The following GSE1 variants were observed in gnomAD, a reference collection of about 807,000 sequenced individuals.
GSE1 encodes genetic suppressor element 1.
GSE1 carries 32 observed loss-of-function variants against 112.6 expected under a neutral mutation model. That is an observed-to-expected ratio of 0.28 (90% CI 0.21 to 0.38). The LOEUF is 0.38. Ranked by LOEUF, GSE1 falls within the 10% of genes least tolerant of loss-of-function variation. GSE1 has a pLI of 1.00. For synonymous variants in GSE1, 1,115 were observed against 735.6 expected (o/e 1.52, Z -8.35); for missense variants, 2,348 against 1,699.2 (o/e 1.38, Z -6.71).
chr16:85,298,769 G>C (rs915146215), intron 1 of GSE1, among the ~76,000 whole-genome samples: 13 of 152,230 alleles, frequency 8.5e-5, no homozygotes. Context: ...CACGCCCTTT[G>C]CATGTTAATC....
intron 1 of GSE1, among the ~76,000 whole-genome samples, chr16:85,619,367 C>A (rs776846597): frequency 6.6e-6 from 1 of 151,356 alleles, no homozygotes; most frequent in Non-Finnish European, 1.5e-5. Context: ...TTAAGCCGTC[C>A]CGAAGGAAAA....
At chr16:85,515,125 A>C (rs1323023758) in intron 2 of GSE1, among the ~76,000 whole-genome samples, 1 of 152,058 alleles carries the variant, frequency 6.6e-6, no homozygotes, top group African/African-American at 2.4e-5. Context: ...CCCAGGAGGC[A>C]ATCTTGCTGC....
intron 2 of GSE1, among the ~76,000 whole-genome samples, chr16:85,493,496 G>A (rs967296311): frequency 2.6e-5 from 4 of 151,956 alleles, no homozygotes; most frequent in Admixed American, 6.6e-5. Flanking sequence ...GCTCACACCT[G>A]TAATCCCAGC....
At chr16:85,663,211 C>CAT in intron 10 of GSE1, 118 bp downstream of exon 10, 2 of 1,292,278 alleles carry the variant, frequency 1.5e-6, no homozygotes, top group Non-Finnish European at 2.2e-6. Flanking sequence ...GGGTTCGCCC[C>CAT]ATGAAGCTCT....
chr16:85,425,002 A>G (rs1031332762), intron 2 of GSE1, among the ~76,000 whole-genome samples: 2 of 152,254 alleles, frequency 1.3e-5, no homozygotes, highest in African/African-American at 4.8e-5. Context: ...CAGGGCAGGC[A>G]GAGGGCCAGG....
chr16:85,236,642 C>T (rs1453029171), intron 1 of GSE1, among the ~76,000 whole-genome samples: 3 of 152,132 alleles, frequency 2.0e-5, no homozygotes, highest in Admixed American at 6.5e-5. Flanking sequence ...GTCCCAACAG[C>T]CTGTATTTCT....
chr16:85,581,905 C>G (rs1191190470), intron 1 of GSE1: 12 of 152,178 alleles, frequency 7.9e-5, no homozygotes, highest in Admixed American at 7.9e-4. Flanking sequence ...TTCTACCACC[C>G]AGCAAATCCC....
chr16:85,472,685 G>A (rs766331662), intron 2 of GSE1, among the ~76,000 whole-genome samples: 1 of 152,234 alleles, frequency 6.6e-6, no homozygotes, highest in Non-Finnish European at 1.5e-5. Context: ...GCCTTGCTCA[G>A]TCTGACCCTG....
chr16:85,586,811 C>G (rs751349259), intron 1 of GSE1, among the ~76,000 whole-genome samples: 12 of 152,188 alleles, frequency 7.9e-5, no homozygotes, highest in Non-Finnish European at 1.8e-4. Context: ...CCCCCAGGCC[C>G]CCTGGCAGCC....
intron 2 of GSE1, among the ~76,000 whole-genome samples, chr16:85,520,849 G>A (rs868269913): frequency 1.6e-4 from 24 of 152,218 alleles, no homozygotes; most frequent in African/African-American, 5.8e-4. Flanking sequence ...CAGCCTGGGG[G>A]GAAGGAGAAA....
intron 1 of GSE1, among the ~76,000 whole-genome samples, chr16:85,264,086 T>C (rs2144125984): frequency 6.6e-6 from 1 of 152,230 alleles, no homozygotes; most frequent in Non-Finnish European, 1.5e-5. Context: ...GGGAATGGTA[T>C]TCCAAGTGGT....
chr16:85,473,647 C>A (rs918379034), intron 2 of GSE1, among the ~76,000 whole-genome samples: 2 of 152,178 alleles, frequency 1.3e-5, no homozygotes, highest in African/African-American at 4.8e-5. Context: ...GGATTTAGGA[C>A]CTGCCCAGAT....
At chr16:85,206,254 C>G (rs1486464328) in intron 1 of GSE1, among the ~76,000 whole-genome samples, 2 of 151,520 alleles carry the variant, frequency 1.3e-5, no homozygotes, top group African/African-American at 4.9e-5. Flanking sequence ...GGCAAGGAGG[C>G]GGGCGTTGGG....
chr16:85,444,140 A>T (rs1246667720), intron 2 of GSE1, among the ~76,000 whole-genome samples: 1 of 152,010 alleles, frequency 6.6e-6, no homozygotes, highest in East Asian at 1.9e-4. Context: ...ACATGCCACC[A>T]AGTCCAGCTA....
intron 1 of GSE1, among the ~76,000 whole-genome samples, chr16:85,284,760 C>T (rs1255077841): frequency 6.6e-6 from 1 of 152,054 alleles, no homozygotes; most frequent in Admixed American, 6.6e-5. Context: ...CAGGTGCGGG[C>T]GGGGCTGGCA....
intron 2 of GSE1, among the ~76,000 whole-genome samples, chr16:85,446,723 G>A (rs907713703): frequency 2.0e-5 from 3 of 152,192 alleles, no homozygotes; most frequent in Non-Finnish European, 4.4e-5. Context: ...GGAGGAACAA[G>A]GGAAGAGCGG....
Position 85,657,956 on chromosome 16 carries a change from C to G in GSE1, c.1640+352C>G, listed in dbSNP as rs575411500. Among the ~76,000 whole-genome samples, 112 of 152,360 alleles carry G rather than the reference C, an allele frequency of 7.4e-4. 4 individuals are homozygous for G. The South Asian group carries it at 0.023, about 31-fold the overall frequency. ...TTTAATTACTAATAATACCTGTTCTCTCCATCTTCCTCTGCTTTTGAGCCT... is the reference window on the plus strand; with the variant it reads ...TTTAATTACTAATAATACCTGTTCTGTCCATCTTCCTCTGCTTTTGAGCCT... On this transcript the variant is annotated intron_variant, in intron 8 of 15. Transcript: ENST00000253458.
intron 1 of GSE1, among the ~76,000 whole-genome samples, chr16:85,263,052 G>A (rs1232009737): frequency 2.6e-5 from 4 of 152,184 alleles, no homozygotes; most frequent in Admixed American, 1.3e-4. Context: ...GCGGGAGGGC[G>A]GGGGCCGGGC....
At chr16:85,456,208 TGTC>T (rs2049821603) in intron 2 of GSE1, among the ~76,000 whole-genome samples, 1 of 152,106 alleles carries the variant, frequency 6.6e-6, no homozygotes, top group African/African-American at 2.4e-5. Context: ...CCTGGTATAT[TGTC>T]GTGGGGTGCA....
Sources: gnomAD v4.1 joint callset for allele counts (sites outside exome capture counted in the v4.1 genomes callset) on GRCh38, gnomAD v4.1.1 for gene constraint, MANE v1.5 for transcripts, NCBI Gene and HGNC (gene_info 2026-07-23, HGNC 2026-07-21) for gene names.